Variants in BNIP2 observed in about 807,000 individuals in gnomAD.
BNIP2 encodes the protein BCL2/adenovirus E1B 19 kDa protein-interacting protein 2.
Under a neutral mutation model 43.4 loss-of-function variants are expected in BNIP2, and 36 were observed. The observed-to-expected ratio is 0.83, with a 90% CI of 0.64 to 1.10. BNIP2 has a LOEUF of 1.10. Ranked by LOEUF, BNIP2 falls within the 50% of genes least tolerant of loss-of-function variation. The pLI is 0.00. For missense variants in BNIP2, 417 were observed against 374.1 expected (o/e 1.11, Z -0.95); for synonymous variants, 146 against 121.0 (o/e 1.21, Z -1.35).
At position 59,686,704 on chromosome 15, in the gene BNIP2, AAT is replaced by A. The variant is rs765440426; in HGVS notation, c.-58+2429_-58+2430del. On this transcript the variant is annotated intron_variant, in intron 1 of 9. Coordinates refer to ENST00000607373, the MANE Select transcript of BNIP2 (RefSeq NM_004330.4). ...CATGAGGGTAGTTTTCAAACAATGA[AAT>A]GAACTGCTCTATCAGAAATGTTAAC... Among the ~76,000 whole-genome samples the A allele has an allele frequency of 5.1e-4, 78 of 152,336 alleles. 2 individuals are homozygous for A. In the East Asian group the frequency reaches 0.014, roughly 27 times the overall value.
intron 9 of BNIP2, among the ~76,000 whole-genome samples, chr15:59,666,308 C>T (rs1442829657): frequency 6.6e-6 from 1 of 152,168 alleles, no homozygotes; most frequent in Non-Finnish European, 1.5e-5. Context: ...CTCTTCTTAG[C>T]ACCACTACTT....
intron 1 of BNIP2, among the ~76,000 whole-genome samples, chr15:59,685,254 C>A (rs1271060183): frequency 6.6e-6 from 1 of 152,144 alleles, no homozygotes; most frequent in Non-Finnish European, 1.5e-5. Context: ...AATCCCAGCA[C>A]TTTGGGAGGC....
chr15:59,676,155 G>C lies in BNIP2; in HGVS notation c.472+1756C>G, dbSNP rs1283421486. 3.9e-5 allele frequency among the ~76,000 whole-genome samples: 6 copies of C among 152,082 alleles called. No homozygotes were observed. In the East Asian group the frequency reaches 5.8e-4, roughly 15 times the overall value. ...TTCAGTCCCAGTTTTGGGTAGCCTA[G>C]AGACAGTTTAAAAAATTTTTTAATT... On this transcript the variant is annotated intron_variant, in intron 5 of 9. Coordinates refer to ENST00000607373, the MANE Select transcript of BNIP2 (RefSeq NM_004330.4).
intron 1 of BNIP2, among the ~76,000 whole-genome samples, chr15:59,682,728 A>T (rs1312937592): frequency 6.6e-6 from 1 of 152,150 alleles, no homozygotes; most frequent in Non-Finnish European, 1.5e-5. Context: ...TGTTTATAGT[A>T]AGGATACTGT....
rs1376398250 is a variant in BNIP2 at position 59,661,227 on chromosome 15, G to T, written c.*2842C>A. On this transcript the variant is annotated 3_prime_UTR_variant, in exon 10 of 10. Coordinates refer to ENST00000607373, the MANE Select transcript of BNIP2 (RefSeq NM_004330.4). Reference sequence around the variant, plus strand: ...TGCCTGTAATCCCAGCTACTCAGGAGGCTGAGGCAGGAGAAATGCTTGAAC... The same window carrying T: ...TGCCTGTAATCCCAGCTACTCAGGATGCTGAGGCAGGAGAAATGCTTGAAC... 6.6e-6 allele frequency: 1 copy of T among 151,852 alleles called. No homozygotes were observed. 9.4% of individuals were successfully genotyped at this position (151,852 alleles called of 1,614,324 possible).
intron 2 of BNIP2, 121 bp from the exon 3 acceptor site, chr15:59,680,429 T>G (rs1206950235): frequency 2.7e-6 from 2 of 745,066 alleles, no homozygotes; most frequent in Non-Finnish European, 4.0e-6. Flanking sequence ...AAAGCAGTGT[T>G]GTTGTTTTTG....
chr15:59,662,937 G>A lies in BNIP2; in HGVS notation c.*1132C>T, dbSNP rs1208668824. On this transcript the variant is annotated 3_prime_UTR_variant, in exon 10 of 10. Transcript: ENST00000607373. ...AACAGTTTAAATGCTTGTAACAAAC[G>A]TGTTATCCAAAACAGCACAATATGA... is the stretch of plus-strand genomic sequence containing the variant. The A allele has an allele frequency of 1.3e-5, 2 of 152,264 alleles. No homozygotes were observed. Among genetic ancestry groups the A allele is most frequent in the Non-Finnish European group, 2.9e-5 (2 of 68,016 alleles). 9.4% of individuals were successfully genotyped at this position (152,264 alleles called of 1,614,324 possible). A position where few individuals can be genotyped will look rare whatever the true frequency, so the allele number is the denominator to read the frequency against.
In BNIP2 at chr15:59,661,970, T is replaced by C. The variant is rs1366969505; in HGVS notation, c.*2099A>G. 1 of 152,222 alleles carries C rather than the reference T, an allele frequency of 6.6e-6. No individual in the cohort carries two copies. Among genetic ancestry groups the C allele is most frequent in the Non-Finnish European group, 1.5e-5 (1 of 68,034 alleles). 9.4% of individuals were successfully genotyped at this position (152,222 alleles called of 1,614,324 possible). A position where few individuals can be genotyped will look rare whatever the true frequency, so the allele number is the denominator to read the frequency against. On this transcript the variant is annotated 3_prime_UTR_variant, in exon 10 of 10. Coordinates refer to ENST00000607373, the MANE Select transcript of BNIP2 (RefSeq NM_004330.4). The stretch of plus-strand genomic sequence containing the variant: ...TTCATTATATCCCAGGTGTTATCAC[T>C]GTTGTCTCTGAATTTTAATGTTTAA...
rs201621819 is a variant in BNIP2 at position 59,673,432 on chromosome 15, A to AT, written c.473-694dup. Among the ~76,000 whole-genome samples the AT allele has an allele frequency of 1.3e-4, 20 of 150,666 alleles. No individual in the cohort carries two copies. The South Asian group carries it at 2.5e-3, about 19-fold the overall frequency. Reference sequence around the variant, plus strand: ...CCCGGCAAAGTGGGTGCTTTTTTAAATTTTTTTTTAGAGGATAGCATCTTG... The same window carrying AT: ...CCCGGCAAAGTGGGTGCTTTTTTAAATTTTTTTTTTAGAGGATAGCATCTTG... On this transcript the variant is annotated intron_variant, in intron 5 of 9. Transcript: ENST00000607373.
intron 9 of BNIP2, among the ~76,000 whole-genome samples, chr15:59,664,763 C>T (rs371134700): frequency 2.0e-5 from 3 of 151,950 alleles, no homozygotes; most frequent in East Asian, 1.9e-4. Context: ...CCAGGTGGTA[C>T]GAAAATGGCA....
intron 1 of BNIP2, among the ~76,000 whole-genome samples, chr15:59,684,368 T>C (rs1193904680): frequency 6.6e-6 from 1 of 152,252 alleles, no homozygotes; most frequent in Non-Finnish European, 1.5e-5. Context: ...TTTTTATAAG[T>C]TAATGAAAAA....
At chr15:59,670,140 A>T (rs1329181812) in intron 7 of BNIP2, among the ~76,000 whole-genome samples, 1 of 152,258 alleles carries the variant, frequency 6.6e-6, no homozygotes, top group Non-Finnish European at 1.5e-5. Flanking sequence ...ACCATTAAAA[A>T]ACATAAATAC....
chr15:59,676,797 G>A lies in BNIP2; in HGVS notation c.472+1114C>T, dbSNP rs554099523. On this transcript the variant is annotated intron_variant, in intron 5 of 9. Coordinates refer to ENST00000607373, the MANE Select transcript of BNIP2 (RefSeq NM_004330.4). ...AGCTTTTCGGATATCTGCGGTGGCC[G>A]CCTGGCCCTGCAGCGCCGCTACTAC... 82 of 1,516,986 alleles carry A rather than the reference G, an allele frequency of 5.4e-5. No homozygotes were observed. In the African/African-American group the frequency reaches 8.5e-4, roughly 16 times the overall value. The allele number at this position is 1,516,986 out of a possible 1,614,324, so 94.0% of individuals were successfully genotyped here. A position where few individuals can be genotyped will look rare whatever the true frequency, so the allele number is the denominator to read the frequency against.
chr15:59,679,757 C>A lies in BNIP2; in HGVS notation c.130G>T (p.Val44Phe). Residue 44 changes from valine (V) to phenylalanine (F), a missense_variant, in exon 4 of 10, where the codon GTT becomes TTT. Coordinates refer to ENST00000607373, the MANE Select transcript of BNIP2 (RefSeq NM_004330.4). ...GPEDQPGSLE[V>F]NGNKVRKKLM... Reference sequence around the variant, plus strand: ...TTCTTTCTCACTTTATTTCCATTAACTTCTAGTGAGCCTGGAATTGGAAAA... The same window carrying A: ...TTCTTTCTCACTTTATTTCCATTAAATTCTAGTGAGCCTGGAATTGGAAAA... 6.6e-7 allele frequency: 1 copy of A among 1,519,442 alleles called. No individual in the cohort carries two copies. The highest frequency in any genetic ancestry group is 8.8e-7 in the Non-Finnish European group (1 of 1,139,386). 94.1% of individuals were successfully genotyped at this position (1,519,442 alleles called of 1,614,324 possible).
rs1894210746 is a variant in BNIP2 at position 59,689,023 on chromosome 15, G to A, written c.-58+112C>T. ...TCCCCCTACCAAGGGTAACTCTCTGGGTTTCCTCTCCCCGGACGTCGTGGG... is the reference window on the plus strand; with the variant it reads ...TCCCCCTACCAAGGGTAACTCTCTGAGTTTCCTCTCCCCGGACGTCGTGGG... On this transcript the variant is annotated intron_variant, in intron 1 of 9. Transcript: ENST00000607373. The A allele has an allele frequency of 3.9e-5, 56 of 1,449,316 alleles. 1 individual carries two copies. In the South Asian group the frequency reaches 6.9e-4, roughly 18 times the overall value. 89.8% of individuals were successfully genotyped at this position (1,449,316 alleles called of 1,614,324 possible). A position where few individuals can be genotyped will look rare whatever the true frequency, so the allele number is the denominator to read the frequency against.
intron 7 of BNIP2, among the ~76,000 whole-genome samples, chr15:59,670,092 T>C (rs1414643850): frequency 6.6e-6 from 1 of 152,220 alleles, no homozygotes; most frequent in East Asian, 1.9e-4. Context: ...AAAACACTTC[T>C]AAAGCTTGTT....
chr15:59,668,184 T>C, intron 9 of BNIP2: 1 of 1,123,316 alleles, frequency 8.9e-7, no homozygotes, highest in Non-Finnish European at 1.2e-6. Context: ...GTTATGAAAA[T>C]GAATAAAAAC....
intron 1 of BNIP2, chr15:59,688,596 T>A: frequency 9.6e-7 from 1 of 1,037,882 alleles, no homozygotes; most frequent in Non-Finnish European, 1.4e-6. Context: ...CAGAAAGGGT[T>A]GTGTCTAGAT....
At chr15:59,687,850 G>A (rs6151449) in intron 1 of BNIP2, among the ~76,000 whole-genome samples, 58,304 of 151,758 alleles carry the variant, frequency 0.38, 11,665 homozygotes, top group East Asian at 0.55. Context: ...TGACACTTGT[G>A]TTATCATCAT....
Sources: gnomAD v4.1 joint callset for allele counts (sites outside exome capture counted in the v4.1 genomes callset) on GRCh38, gnomAD v4.1.1 for gene constraint, MANE v1.5 for transcripts, NCBI Gene and HGNC (gene_info 2026-07-23, HGNC 2026-07-21) for gene names.